Variants in ANO6 observed in about 807,000 individuals in gnomAD.
The protein encoded by ANO6 is anoctamin 6.
In ANO6, 106 loss-of-function variants were observed where a neutral mutation model predicts 117.5. That is an observed-to-expected ratio of 0.90 (90% CI 0.77 to 1.06). The LOEUF is 1.06. ANO6 is among the 50% of genes least tolerant of loss of function. The probability of loss-of-function intolerance (pLI) is 0.00; values close to 1 mark genes in which losing one functional copy is unlikely to be tolerated. For missense variants in ANO6, 955 were observed against 1,121.1 expected (o/e 0.85, Z 2.12); for synonymous variants, 367 against 385.1 (o/e 0.95, Z 0.55).
chr12:45,360,679 C>A (rs59569882), intron 8 of ANO6, among the ~76,000 whole-genome samples: 1 of 152,100 alleles, frequency 6.6e-6, no homozygotes, highest in Non-Finnish European at 1.5e-5. Flanking sequence ...AGAAACCATT[C>A]GTAATCCAAA....
intron 16 of ANO6, among the ~76,000 whole-genome samples, chr12:45,416,451 CTAAA>C (rs1250429035): frequency 6.6e-6 from 1 of 152,164 alleles, no homozygotes; most frequent in Non-Finnish European, 1.5e-5. Flanking sequence ...CTAAAGATGT[CTAAA>C]TATATTGTTC....
intron 8 of ANO6, among the ~76,000 whole-genome samples, chr12:45,362,991 C>CTT (rs541513824): frequency 6.6e-6 from 1 of 150,818 alleles, no homozygotes; most frequent in African/African-American, 2.4e-5. Flanking sequence ...TCTATCTCTG[C>CTT]TTTTTTTTTC....
intron 12 of ANO6, among the ~76,000 whole-genome samples, chr12:45,391,727 T>G (rs1440550885): frequency 6.6e-6 from 1 of 152,046 alleles, no homozygotes; most frequent in Admixed American, 6.5e-5. Flanking sequence ...ATTAGCCAGG[T>G]GTTCACCTGT....
chr12:45,428,994 T>C (rs1943570984), intron 19 of ANO6, 111 bp from the exon 20 acceptor site: 2 of 1,361,330 alleles, frequency 1.5e-6, no homozygotes, highest in East Asian at 2.5e-5. Flanking sequence ...GTGTGTAAAA[T>C]GTCCACTGCC....
intron 1 of ANO6, among the ~76,000 whole-genome samples, chr12:45,276,326 C>G (rs1938553993): frequency 1.3e-5 from 2 of 152,186 alleles, no homozygotes; most frequent in Admixed American, 1.3e-4. Flanking sequence ...GAAGTATGCT[C>G]TGTGATGGTG....
At chr12:45,382,463 A>T (rs951964186) in intron 10 of ANO6, among the ~76,000 whole-genome samples, 5 of 152,232 alleles carry the variant, frequency 3.3e-5, no homozygotes, top group African/African-American at 1.2e-4. Flanking sequence ...AAGGTAGAAG[A>T]GTACCCATGA....
chr12:45,399,535 C>A (rs1367438990), intron 12 of ANO6, among the ~76,000 whole-genome samples: 1 of 152,006 alleles, frequency 6.6e-6, no homozygotes, highest in Non-Finnish European at 1.5e-5. Flanking sequence ...ATGGGTGAAG[C>A]TTCTCTTTCC....
intron 1 of ANO6, among the ~76,000 whole-genome samples, chr12:45,271,735 A>G (rs1938399735): frequency 6.6e-6 from 1 of 152,186 alleles, no homozygotes; most frequent in Admixed American, 6.6e-5. Context: ...TGCTTAGCCT[A>G]CAAGTGGCCA....
intron 1 of ANO6, among the ~76,000 whole-genome samples, chr12:45,252,103 G>A (rs1194613135): frequency 6.6e-6 from 1 of 152,142 alleles, no homozygotes; most frequent in Admixed American, 6.5e-5. Context: ...TTTTAACATA[G>A]AATGAAGGGC....
chr12:45,220,497 C>A (rs1947380122), intron 1 of ANO6, among the ~76,000 whole-genome samples: 1 of 152,182 alleles, frequency 6.6e-6, no homozygotes. Context: ...AGTCTTCCTT[C>A]ATAAACATTG....
intron 8 of ANO6, among the ~76,000 whole-genome samples, chr12:45,363,733 C>T (rs1457116720): frequency 1.3e-5 from 2 of 152,022 alleles, no homozygotes; most frequent in Non-Finnish European, 2.9e-5. Context: ...GGCAGTTTTC[C>T]TCATATTGTT....
At chr12:45,321,319 A>G (rs1237916106) in intron 2 of ANO6, among the ~76,000 whole-genome samples, 1 of 152,190 alleles carries the variant, frequency 6.6e-6, no homozygotes, top group African/African-American at 2.4e-5. Flanking sequence ...AACTGTATTA[A>G]TAAATTTTCG....
chr12:45,255,428 G>A (rs1199544506), intron 1 of ANO6, among the ~76,000 whole-genome samples: 3 of 152,126 alleles, frequency 2.0e-5, no homozygotes, highest in South Asian at 2.1e-4. Context: ...GCTTGAACCC[G>A]GGAGGCAGAG....
In ANO6 at chr12:45,401,464, ACT is replaced by A. The variant is rs571826563; in HGVS notation, c.1387-328_1387-327del. ...TTCCATTTTTATGCTGTCTGAAGAT[ACT>A]CTTTTTTAAATAGACTTTTTTTAGA... On this transcript the variant is annotated intron_variant, in intron 12 of 19. Coordinates refer to ENST00000320560, the MANE Select transcript of ANO6 (RefSeq NM_001025356.3). 1.3e-3 allele frequency among the ~76,000 whole-genome samples: 192 copies of A among 152,118 alleles called. 2 individuals are homozygous for A. The highest frequency in any genetic ancestry group is 4.5e-3 in the African/African-American group (186 of 41,492).
intron 16 of ANO6, among the ~76,000 whole-genome samples, chr12:45,413,473 A>C (rs886960372): frequency 1.3e-5 from 2 of 152,256 alleles, no homozygotes; most frequent in Non-Finnish European, 2.9e-5. Flanking sequence ...GTCCATTAGA[A>C]AGTTGGACAC....
At chr12:45,284,812 A>G (rs1241531022) in intron 1 of ANO6, among the ~76,000 whole-genome samples, 1 of 152,224 alleles carries the variant, frequency 6.6e-6, no homozygotes, top group Non-Finnish European at 1.5e-5. Context: ...TTTGGCGCAT[A>G]AAAGGAAAGG....
At chr12:45,322,705 A>C (rs966146892) in intron 2 of ANO6, among the ~76,000 whole-genome samples, 2 of 152,182 alleles carry the variant, frequency 1.3e-5, no homozygotes, top group African/African-American at 4.8e-5. Flanking sequence ...GAACAGATTG[A>C]AAGCTAAAGT....
intron 3 of ANO6, 45 bp downstream of exon 3, chr12:45,331,468 T>G: frequency 1.5e-5 from 23 of 1,529,640 alleles, no homozygotes; most frequent in Non-Finnish European, 2.0e-5. Flanking sequence ...TCTTATATTG[T>G]AACATGAAAA....
chr12:45,365,601 G>A (rs555132296), intron 8 of ANO6, among the ~76,000 whole-genome samples: 1 of 152,274 alleles, frequency 6.6e-6, no homozygotes, highest in South Asian at 2.1e-4. Flanking sequence ...TGAGGATGGG[G>A]TTTTGGGGGT....
Sources: allele counts gnomAD v4.1 joint callset (sites outside exome capture counted in the v4.1 genomes callset), GRCh38; gene constraint gnomAD v4.1.1; transcripts MANE v1.5; gene names NCBI Gene and HGNC (gene_info 2026-07-23, HGNC 2026-07-21).